Variants in NEBL observed in about 807,000 individuals in gnomAD.
NEBL encodes LIM and SH3 protein 2.
A neutral mutation model predicts 140.2 loss-of-function variants in NEBL; 122 were observed. The observed-to-expected ratio is 0.87, with a 90% CI of 0.75 to 1.01. The LOEUF (loss-of-function observed/expected upper bound fraction) is 1.01. Ranked by LOEUF, NEBL falls within the 50% of genes least tolerant of loss-of-function variation. The pLI, the probability that NEBL is intolerant of heterozygous loss-of-function variation, is 0.00. For synonymous variants in NEBL, 436 were observed against 398.9 expected (o/e 1.09, Z -1.11); for missense variants, 1,365 against 1,231.3 (o/e 1.11, Z -1.62).
At chr10:20,936,688 A>G (rs1399593550) in intron 4 of NEBL, among the ~76,000 whole-genome samples, 1 of 152,170 alleles carries the variant, frequency 6.6e-6, no homozygotes, top group Non-Finnish European at 1.5e-5. Context: ...CTAAATAAAT[A>G]ATGCAGTGTT....
chr10:21,240,114 C>T (rs1220708165), intron 3 of NEBL, among the ~76,000 whole-genome samples: 2 of 152,096 alleles, frequency 1.3e-5, no homozygotes, highest in South Asian at 2.1e-4. Flanking sequence ...AGCCTAACAA[C>T]CTGTACATAG....
intron 2 of NEBL, among the ~76,000 whole-genome samples, chr10:21,070,523 A>G (rs1051590430): frequency 6.6e-6 from 1 of 152,194 alleles, no homozygotes; most frequent in African/African-American, 2.4e-5. Context: ...AAGAGTACAT[A>G]ATATCCTAAC....
chr10:21,234,174 T>C (rs1281889068), intron 3 of NEBL, among the ~76,000 whole-genome samples: 1 of 152,050 alleles, frequency 6.6e-6, no homozygotes, highest in Admixed American at 6.6e-5. Context: ...GACTTTCCTA[T>C]GCCAAAGTGG....
intron 4 of NEBL, among the ~76,000 whole-genome samples, chr10:20,938,402 C>A (rs974234278): frequency 6.6e-6 from 1 of 152,172 alleles, no homozygotes; most frequent in African/African-American, 2.4e-5. Flanking sequence ...GGAAAACTAA[C>A]AAACAGAAAG....
chr10:21,173,762 C>T lies in NEBL; in HGVS notation c.69+3G>A. On this transcript the variant is annotated splice_donor_region_variant and intron_variant, in intron 1 of 6. Transcript: ENST00000417816. The surrounding 1 kb of genome is among the most constrained non-coding windows in gnomAD (Gnocchi z 5.7). ...CAGGCTGGCCCGGCGCCCCCTCGCT[C>T]ACCTTATCCAGGCAGTTGACTTTCT... The T allele has an allele frequency of 6.2e-7, 1 of 1,613,050 alleles. No individual in the cohort carries two copies. The highest frequency in any genetic ancestry group is 1.3e-5 in the African/African-American group (1 of 75,014).
chr10:21,231,684 C>A (rs918948159), intron 3 of NEBL, among the ~76,000 whole-genome samples: 1 of 152,058 alleles, frequency 6.6e-6, no homozygotes, highest in South Asian at 2.1e-4. Context: ...GGGGAGAGAA[C>A]GTTCCTGAAA....
At chr10:21,172,982 G>C (rs1459091867) in intron 1 of NEBL, among the ~76,000 whole-genome samples, 1 of 152,190 alleles carries the variant, frequency 6.6e-6, no homozygotes, top group African/African-American at 2.4e-5. Flanking sequence ...CTCTGCCCGG[G>C]ATGACTGTCA....
At chr10:20,817,713 C>A in intron 20 of NEBL, 21 bp from the exon 21 acceptor site, 1 of 1,558,450 alleles carries the variant, frequency 6.4e-7, no homozygotes, top group East Asian at 2.2e-5. Context: ...TAAATAAGAA[C>A]TTTAACAGAT....
At chr10:21,234,744 TG>T (rs1470243649) in intron 3 of NEBL, among the ~76,000 whole-genome samples, 2 of 152,170 alleles carry the variant, frequency 1.3e-5, no homozygotes, top group African/African-American at 4.8e-5. Flanking sequence ...TCAGCTTTAA[TG>T]TCTGCAGAGA....
intron 2 of NEBL, among the ~76,000 whole-genome samples, chr10:20,894,871 G>A (rs1480285447): frequency 2.7e-5 from 4 of 149,114 alleles, no homozygotes; most frequent in Admixed American, 6.7e-5. Flanking sequence ...GGAGCTTGCA[G>A]TGAGCCGAGA....
At chr10:20,819,368 T>TCA in intron 20 of NEBL, 56 bp downstream of exon 20, 1 of 1,612,404 alleles carries the variant, frequency 6.2e-7, no homozygotes, top group Non-Finnish European at 8.5e-7. Context: ...GGGCATATTT[T>TCA]TAAATAAAAA....
intron 2 of NEBL, among the ~76,000 whole-genome samples, chr10:21,097,231 G>A (rs1444850644): frequency 1.4e-5 from 1 of 70,824 alleles, no homozygotes; most frequent in African/African-American, 5.1e-5. Flanking sequence ...GGGGGGGGGT[G>A]GGGCAGATCA....
At chr10:20,835,690 T>C (rs908895412) in intron 13 of NEBL, 67 bp from the exon 14 acceptor site, 7 of 1,083,924 alleles carry the variant, frequency 6.5e-6, no homozygotes, top group South Asian at 1.2e-5. Flanking sequence ...CAGTCAATGA[T>C]ACTAAAAAAA....
At chr10:20,899,306 C>A (rs1028071211), upstream of NEBL, 23 of 963,422 alleles carry the variant, frequency 2.4e-5, no homozygotes, top group Non-Finnish European at 2.9e-5. Flanking sequence ...CTGAGACACA[C>A]CTTTTGGCTC....
chr10:20,828,778 A>G (rs1840127722), intron 16 of NEBL, 144 bp from the exon 17 acceptor site: 7 of 634,086 alleles, frequency 1.1e-5, no homozygotes, highest in South Asian at 1.1e-4. Context: ...AGAGAGAGAG[A>G]GAGAGGTGGA....
At chr10:20,866,231 G>C (rs1475154716) in intron 7 of NEBL, among the ~76,000 whole-genome samples, 2 of 152,080 alleles carry the variant, frequency 1.3e-5, no homozygotes, top group Non-Finnish European at 2.9e-5. Context: ...GCGTTGGGGA[G>C]TTATTATTTA....
chr10:20,887,231 AC>A (rs1846604127), intron 4 of NEBL, among the ~76,000 whole-genome samples: 1 of 91,990 alleles, frequency 1.1e-5, no homozygotes. Context: ...AAATGAGTTT[AC>A]CTGATGACAA....
intron 2 of NEBL, among the ~76,000 whole-genome samples, chr10:21,134,694 C>T (rs1418484860): frequency 1.3e-5 from 2 of 152,186 alleles, no homozygotes; most frequent in Non-Finnish European, 2.9e-5. Flanking sequence ...GTATGTTTAG[C>T]AATTGCAAAT....
intron 16 of NEBL, among the ~76,000 whole-genome samples, chr10:20,829,351 CTG>C (rs1179225997): frequency 1.3e-5 from 2 of 149,732 alleles, no homozygotes; most frequent in East Asian, 3.9e-4. Context: ...AAACCAAACA[CTG>C]CATATTCTCA....
Sources: gnomAD v4.1 joint callset for allele counts (sites outside exome capture counted in the v4.1 genomes callset) on GRCh38, gnomAD v4.1.1 for gene constraint, Gnocchi (gnomAD v3.1) non-coding constraint, MANE v1.5 for transcripts, NCBI Gene and HGNC (gene_info 2026-07-23, HGNC 2026-07-21) for gene names.